The following ENTPD2 variants were observed in gnomAD, a reference collection of about 807,000 sequenced individuals.
ENTPD2 encodes the protein CD39 antigen-like 1.
Under a neutral mutation model 46.8 loss-of-function variants are expected in ENTPD2, and 48 were observed. The observed-to-expected ratio is 1.03, with a 90% CI of 0.81 to 1.30. The LOEUF is 1.30. Ranked by LOEUF, ENTPD2 falls within the 50% of genes most tolerant of loss-of-function variation. The pLI, the probability that ENTPD2 is intolerant of heterozygous loss-of-function variation, is 0.00. For missense variants in ENTPD2, 707 were observed against 651.1 expected (o/e 1.09, Z -0.93); for synonymous variants, 316 against 286.1 (o/e 1.10, Z -1.06).
At chr9:137,050,149 C>T (rs1832237681) in intron 6 of ENTPD2, 135 bp downstream of exon 6, 1 of 965,576 alleles carries the variant, frequency 1.0e-6, no homozygotes, top group Non-Finnish European at 1.5e-6. Context: ...CGACAAAGTT[C>T]CCAGCCACCC....
At chr9:137,052,918 CAG>C in intron 1 of ENTPD2, 1 of 152,386 alleles carries the variant, frequency 6.6e-6, no homozygotes, top group Non-Finnish European at 1.5e-5. Flanking sequence ...AAGCCAGGGC[CAG>C]AGAGAGAGGC....
At chr9:137,049,821 G>A (rs780851799) in intron 7 of ENTPD2, 49 bp downstream of exon 7, 15 of 1,563,484 alleles carry the variant, frequency 9.6e-6, no homozygotes, top group Non-Finnish European at 1.3e-5. Flanking sequence ...TGCGGAGGCG[G>A]AGGCTGAGCC....
rs1449344375 is a variant in ENTPD2 at position 137,052,451 on chromosome 9, C to CA, written c.118-104_118-103insT. ...CCTCCAGTTTGCCACCGCTCCCCCC[C>CA]CCACCCAGTCATGTGCCAAGCCTCA... On this transcript the variant is annotated intron_variant, in intron 1 of 8. Coordinates refer to ENST00000355097, the MANE Select transcript of ENTPD2 (RefSeq NM_203468.3). 1.3e-4 allele frequency: 115 copies of CA among 868,374 alleles called. 1 individual carries two copies. Among genetic ancestry groups the CA allele is most frequent in the East Asian group, 4.4e-4 (16 of 36,246 alleles). The allele number at this position is 868,374 out of a possible 1,614,324, so 53.8% of individuals were successfully genotyped here.
intron 7 of ENTPD2, chr9:137,049,404 C>A: frequency 3.4e-6 from 2 of 581,760 alleles, no homozygotes; most frequent in Non-Finnish European, 6.2e-6. Flanking sequence ...TGAGTCTGCC[C>A]GCTGGCTCGC....
In ENTPD2 at chr9:137,048,744, G is replaced by C. The variant is rs1832190906; in HGVS notation, c.1401C>G (p.Leu467=). The change falls in exon 9 of 9, where the codon CTC becomes CTG. Residue 467 remains leucine (L), a synonymous_variant. Coordinates refer to ENST00000355097, the MANE Select transcript of ENTPD2 (RefSeq NM_203468.3). ...KGTDFSSWVV[L]LLLFASALLA... is the part of the protein sequence containing the mutation. Reference sequence around the variant, plus strand: ...GGAGCGCGGAGGCGAAGAGCAGCAGGAGGACGACCCAGGAGCTGAAGTCTG... The same window carrying C: ...GGAGCGCGGAGGCGAAGAGCAGCAGCAGGACGACCCAGGAGCTGAAGTCTG... The C allele has an allele frequency of 6.2e-7, 1 of 1,604,716 alleles. No homozygotes were observed. The highest frequency in any genetic ancestry group is 8.5e-7 in the Non-Finnish European group (1 of 1,176,136).
Position 137,052,304 on chromosome 9 carries a change from A to T in ENTPD2, c.162T>A (p.Phe54Leu). Residue 54 changes from phenylalanine (F) to leucine (L), a missense_variant, in exon 2 of 9, where the codon TTT becomes TTA. Coordinates refer to ENST00000355097, the MANE Select transcript of ENTPD2 (RefSeq NM_203468.3). ...LDAGSSHTSMFIYKWPADKEN... is the reference protein window; with the variant it reads ...LDAGSSHTSMLIYKWPADKEN... ...CCTTGTCTGCCGGCCACTTGTAGAT[A>T]AACATGGACGTGTGTGAAGAACCAG... 1 of 1,612,508 alleles carries T rather than the reference A, an allele frequency of 6.2e-7. No homozygotes were observed.
At chr9:137,053,185 G>C (rs955292093) in intron 1 of ENTPD2, 5 of 152,510 alleles carry the variant, frequency 3.3e-5, no homozygotes, top group Non-Finnish European at 5.9e-5. Flanking sequence ...CTGCAGGGCC[G>C]CAGAGCTCCC....
chr9:137,050,991 A>T lies in ENTPD2; in HGVS notation c.685T>A (p.Tyr229Asn). Residue 229 changes from tyrosine to asparagine, a missense_variant, in exon 5 of 9, where the codon TAC (tyrosine) becomes AAC (asparagine). Physicochemically the swap from Tyr to Asn is moderately radical, Grantham distance 143 (BLOSUM62 -2). Transcript: ENST00000355097. ...GTGTAGACTCGGTAGTGCTGGCCGT[A>T]GAGATGCAGCTGGACCTCGCTGGCT... ...DRASEVQLHL[Y>N]GQHYRVYTHS... 1 of 1,517,740 alleles carries T rather than the reference A, an allele frequency of 6.6e-7. No homozygotes were observed. Among genetic ancestry groups the T allele is most frequent in the Non-Finnish European group, 8.8e-7 (1 of 1,132,044 alleles). The allele number at this position is 1,517,740 out of a possible 1,614,324, so 94.0% of individuals were successfully genotyped here. A position where few individuals can be genotyped will look rare whatever the true frequency, so the allele number is the denominator to read the frequency against.
intron 2 of ENTPD2, 110 bp from the exon 3 acceptor site, chr9:137,051,770 G>A: frequency 7.0e-7 from 1 of 1,424,896 alleles, no homozygotes; most frequent in Non-Finnish European, 9.2e-7. Flanking sequence ...AGACCAGGTG[G>A]CACACCTTCC....
chr9:137,053,498 A>C, intron 1 of ENTPD2: 1 of 171,332 alleles, frequency 5.8e-6, no homozygotes, highest in Non-Finnish European at 1.2e-5. Context: ...GGCACAGGGC[A>C]GAAGTGGCCC....
chr9:137,050,345 CAGG>C lies in ENTPD2; in HGVS notation c.965_967del (p.Ser322del). 1 of 1,612,942 alleles carries C rather than the reference CAGG, an allele frequency of 6.2e-7. No individual in the cohort carries two copies. The highest frequency in any genetic ancestry group is 8.5e-7 in the Non-Finnish European group (1 of 1,179,890). On this transcript the variant is annotated inframe_deletion, in exon 6 of 9. Transcript: ENST00000355097. ...ATTGAAAGAGCATCGGGAGAAGGGG[CAGG>C]AGGAGAAGCTGAAGAGCCCAGAAAC... is the stretch of plus-strand genomic sequence containing the variant.
At chr9:137,051,474 A>G (rs769482788) in intron 3 of ENTPD2, 36 bp downstream of exon 3, 1 of 1,559,506 alleles carries the variant, frequency 6.4e-7, no homozygotes, top group African/African-American at 1.4e-5. Context: ...GCCAAAGGCC[A>G]TCATGGGGAC....
intron 2 of ENTPD2, 31 bp downstream of exon 2, chr9:137,052,200 G>C: frequency 6.3e-7 from 1 of 1,597,492 alleles, no homozygotes; most frequent in African/African-American, 1.3e-5. Flanking sequence ...GCAGTGAGTG[G>C]GCGTCCTGGC....
At chr9:137,052,005 C>T (rs534311746) in intron 2 of ENTPD2, among the ~76,000 whole-genome samples, 3 of 152,128 alleles carry the variant, frequency 2.0e-5, no homozygotes, top group Non-Finnish European at 2.9e-5. Flanking sequence ...CTGGGCCCGG[C>T]GAGGCTCAAA....
chr9:137,048,732 G>A lies in ENTPD2; in HGVS notation c.1413C>T (p.Phe471=), dbSNP rs755025538. Residue 471 remains phenylalanine (F), a synonymous_variant, in exon 9 of 9, where the codon TTC becomes TTT. Transcript: ENST00000355097. ...FSSWVVLLLL[F]ASALLAALVL... is the part of the protein sequence containing the mutation. The stretch of plus-strand genomic sequence containing the variant: ...CAAGCGCAGCCAGGAGCGCGGAGGC[G>A]AAGAGCAGCAGGAGGACGACCCAGG... 35 of 1,605,484 alleles carry A rather than the reference G, an allele frequency of 2.2e-5. No homozygotes were observed. Among genetic ancestry groups the A allele is most frequent in the Non-Finnish European group, 3.0e-5 (35 of 1,176,552 alleles).
Position 137,051,381 on chromosome 9 carries a change from C to CA in ENTPD2, c.387-12dup. 6.5e-7 allele frequency: 1 copy of CA among 1,544,052 alleles called. No homozygotes were observed. Among genetic ancestry groups the CA allele is most frequent in the Non-Finnish European group, 8.7e-7 (1 of 1,143,846 alleles). Reference sequence around the variant, plus strand: ...TCTGGATTGGTCAGGCTGCAAAACACAGAGAACTCCAAGAGGCCTTCTCCC... The same window carrying CA: ...TCTGGATTGGTCAGGCTGCAAAACACAAGAGAACTCCAAGAGGCCTTCTCCC... On this transcript the variant is annotated splice_polypyrimidine_tract_variant and intron_variant, in intron 3 of 8. Coordinates refer to ENST00000355097, the MANE Select transcript of ENTPD2 (RefSeq NM_203468.3).
Position 137,053,893 on chromosome 9 carries a change from C to T in ENTPD2, c.105G>A (p.Pro35=), listed in dbSNP as rs1278454850. 8.2e-7 allele frequency: 1 copy of T among 1,225,044 alleles called. No individual in the cohort carries two copies. Among genetic ancestry groups the T allele is most frequent in the South Asian group, 4.1e-5 (1 of 24,352 alleles). The allele number at this position is 1,225,044 out of a possible 1,614,324, so 75.9% of individuals were successfully genotyped here. A position where few individuals can be genotyped will look rare whatever the true frequency, so the allele number is the denominator to read the frequency against. Residue 35 remains proline, a synonymous_variant, in exon 1 of 9, where the codon CCG becomes CCA. Transcript: ENST00000355097. ...CCCGGGCGCGCACCTTGAGGGCGGG[C>T]GGCTCCCGGACGTCGCGGGTGGGGA... is the stretch of plus-strand genomic sequence containing the variant. ...LCVPTRDVRE[P]PALKYGIVLD...
rs139027787 is a variant in ENTPD2 at position 137,051,284 on chromosome 9, C to G, written c.473G>C (p.Arg158Pro). 5 of 1,611,014 alleles carry G rather than the reference C, an allele frequency of 3.1e-6. No homozygotes were observed. The highest frequency in any genetic ancestry group is 4.2e-6 in the Non-Finnish European group (5 of 1,178,726). The change falls in exon 4 of 9, where the codon CGC becomes CCC. Residue 158 changes from arginine (R) to proline (P), a missense_variant. Transcript: ENST00000355097. ...TQYPFDFRGA[R>P]ILSGQEEGVF... is the part of the protein sequence containing the mutation. ...CCCCTCTTCCTGGCCCGAGAGGATGCGTGCACCCCGGAAGTCAAAGGGGTA... is the reference window on the plus strand; with the variant it reads ...CCCCTCTTCCTGGCCCGAGAGGATGGGTGCACCCCGGAAGTCAAAGGGGTA...
chr9:137,049,235 A>T (rs1435338435), intron 7 of ENTPD2, 160 bp from the exon 8 acceptor site: 1 of 1,235,678 alleles, frequency 8.1e-7, no homozygotes, highest in African/African-American at 1.5e-5. Context: ...GGCAAGACCG[A>T]GTCCGAGGGG....
Sources: gnomAD v4.1 joint callset for allele counts (sites outside exome capture counted in the v4.1 genomes callset) on GRCh38, gnomAD v4.1.1 for gene constraint, MANE v1.5 for transcripts, NCBI Gene and HGNC (gene_info 2026-07-23, HGNC 2026-07-21) for gene names.